Variants in THNSL2 observed in about 807,000 individuals in gnomAD.
THNSL2 encodes the protein threonine synthase-like 2.
THNSL2 carries 34 observed loss-of-function variants against 40.0 expected under a neutral mutation model. That is an observed-to-expected ratio of 0.85 (90% CI 0.65 to 1.13). THNSL2 has a LOEUF of 1.13. Ranked by LOEUF, THNSL2 falls within the 50% of genes most tolerant of loss-of-function variation. The pLI is 0.00. For synonymous variants in THNSL2, 241 were observed against 247.5 expected, an observed-to-expected ratio of 0.97 and a Z score of 0.25; for missense variants, 537 against 608.8, an observed-to-expected ratio of 0.88 and a Z score of 1.24.
intron 7 of THNSL2, among the ~76,000 whole-genome samples, chr2:88,184,602 TAAA>T (rs59914368): frequency 2.1e-5 from 3 of 142,234 alleles, no homozygotes; most frequent in African/African-American, 7.7e-5. Context: ...CCGTCTCTAC[TAAA>T]AAAAAAAAAA....
At chr2:88,181,556 C>T (rs1285945989) in intron 5 of THNSL2, among the ~76,000 whole-genome samples, 2 of 134,238 alleles carry the variant, frequency 1.5e-5, no homozygotes, top group Admixed American at 8.3e-5. Context: ...TCTCCCCTCT[C>T]TCTCCTCTCT....
At chr2:88,179,652 G>A (rs562291080) in intron 5 of THNSL2, among the ~76,000 whole-genome samples, 1 of 152,208 alleles carries the variant, frequency 6.6e-6, no homozygotes, top group African/African-American at 2.4e-5. Context: ...CTGTACAGCT[G>A]TGTAGCATTA....
At chr2:88,185,290 C>T (rs536542453) in intron 7 of THNSL2, 38 bp from the exon 8 acceptor site, 2 of 1,585,268 alleles carry the variant, frequency 1.3e-6, no homozygotes, top group Non-Finnish European at 1.7e-6. Context: ...CCTACATCCC[C>T]CCCCCACACC....
chr2:88,170,947 C>T (rs1195268478), intron 1 of THNSL2, among the ~76,000 whole-genome samples: 1 of 152,096 alleles, frequency 6.6e-6, no homozygotes, highest in African/African-American at 2.4e-5. Flanking sequence ...TCCCAGCCTT[C>T]GGGCTACTCC....
At chr2:88,181,121 T>C (rs4972184) in intron 5 of THNSL2, among the ~76,000 whole-genome samples, 2,383 of 4,048 alleles carry the variant, frequency 0.59, 580 homozygotes, top group Non-Finnish European at 0.6. Context: ...CCTCTCTCTC[T>C]CCTCTCTCTC....
chr2:88,182,889 T>A (rs1474267664), intron 6 of THNSL2, 42 bp downstream of exon 6: 1 of 1,611,850 alleles, frequency 6.2e-7, no homozygotes, highest in Non-Finnish European at 8.5e-7. Flanking sequence ...CAGGTGTTGG[T>A]TGGGTGGGGC....
At chr2:88,173,803 T>G (rs1676622153) in intron 2 of THNSL2, among the ~76,000 whole-genome samples, 1 of 152,214 alleles carries the variant, frequency 6.6e-6, no homozygotes, top group African/African-American at 2.4e-5. Flanking sequence ...CAGCTTGTCT[T>G]AAGCTCTACT....
chr2:88,179,877 G>A (rs1415548448), intron 5 of THNSL2, among the ~76,000 whole-genome samples: 2 of 152,218 alleles, frequency 1.3e-5, no homozygotes, highest in Non-Finnish European at 2.9e-5. Context: ...CTGCAGAGCT[G>A]GTGAGGCTAG....
intron 5 of THNSL2, among the ~76,000 whole-genome samples, chr2:88,179,592 A>T (rs762510854): frequency 2.0e-4 from 31 of 152,224 alleles, no homozygotes; most frequent in Admixed American, 1.1e-3. Context: ...GACTGCCTCG[A>T]TGAGCGAATC....
At chr2:88,176,953 G>A (rs1677001286) in intron 4 of THNSL2, 1 of 152,182 alleles carries the variant, frequency 6.6e-6, no homozygotes, top group Admixed American at 6.5e-5. Flanking sequence ...TTTTTTCCTA[G>A]AATCAAAGCA....
intron 4 of THNSL2, among the ~76,000 whole-genome samples, chr2:88,177,835 C>T (rs1332135600): frequency 2.6e-5 from 4 of 152,232 alleles, no homozygotes; most frequent in Non-Finnish European, 4.4e-5. Context: ...GGAGCCAACC[C>T]TGACCCCATG....
At chr2:88,173,000 T>C in intron 1 of THNSL2, 139 bp from the exon 2 acceptor site, 1 of 481,314 alleles carries the variant, frequency 2.1e-6, no homozygotes. Context: ...GATACAGGAC[T>C]GCCATCTCTA....
chr2:88,175,584 A>G (rs1676839506), intron 4 of THNSL2, 183 bp downstream of exon 4: 2 of 669,090 alleles, frequency 3.0e-6, no homozygotes, highest in South Asian at 4.0e-5. Context: ...TACACAGTAA[A>G]CTATTGGAGG....
chr2:88,171,182 C>T, intron 1 of THNSL2: 1 of 417,496 alleles, frequency 2.4e-6, no homozygotes, highest in Non-Finnish European at 4.9e-6. Flanking sequence ...TTGCTATTTC[C>T]GCCTCTGGCT....
rs1235118499 is a variant in THNSL2, at chr2:88,186,539, A to G, written c.*416A>G. The stretch of plus-strand genomic sequence containing the variant: ...CTTAGTTGATTTTGGCCCCCAAACC[A>G]AATCCAAAGGTTCTGGCCCACCTTG... On this transcript the variant is annotated 3_prime_UTR_variant, in exon 9 of 9. Coordinates refer to ENST00000674334, the MANE Select transcript of THNSL2 (RefSeq NM_018271.5). The G allele has an allele frequency of 5.0e-6, 1 of 198,092 alleles. No individual in the cohort carries two copies. The highest frequency in any genetic ancestry group is 1.1e-5 in the Non-Finnish European group (1 of 94,106). The allele number at this position is 198,092 out of a possible 1,614,324, so 12.3% of individuals were successfully genotyped here. A position where few individuals can be genotyped will look rare whatever the true frequency, so the allele number is the denominator to read the frequency against.
At chr2:88,182,639 C>G in intron 5 of THNSL2, 60 bp from the exon 6 acceptor site, 1 of 1,459,208 alleles carries the variant, frequency 6.9e-7, no homozygotes, top group East Asian at 2.3e-5. Context: ...GCCCAATTTA[C>G]TTTTTTCTTT....
rs778269285 is a variant in THNSL2 at position 88,178,796 on chromosome 2, C to T, written c.585C>T (p.Ser195=). ...NVHVFGVEGN[S]DELDEPIKTV... ...CCCCCCTGGCAGTGGAGGGAAACAG[C>T]GATGAGCTCGATGAGCCGATCAAGA... The change falls in exon 5 of 9, where the codon AGC becomes AGT. Residue 195 remains serine, a synonymous_variant. Coordinates refer to ENST00000674334, the MANE Select transcript of THNSL2 (RefSeq NM_018271.5). The T allele has an allele frequency of 6.2e-6, 10 of 1,614,102 alleles. No homozygotes were observed. The highest frequency in any genetic ancestry group is 2.2e-5 in the East Asian group (1 of 44,864).
chr2:88,171,157 C>T (rs1195089544), intron 1 of THNSL2: 1 of 394,310 alleles, frequency 2.5e-6, no homozygotes, highest in Non-Finnish European at 5.2e-6. Context: ...TCCTCAACTT[C>T]ACCACCTCCT....
At chr2:88,177,683 TGTG>T (rs1310037720) in intron 4 of THNSL2, among the ~76,000 whole-genome samples, 5 of 152,202 alleles carry the variant, frequency 3.3e-5, no homozygotes, top group Non-Finnish European at 7.3e-5. Flanking sequence ...TCATTCCTCT[TGTG>T]GTCATATGGT....
Sources: allele counts gnomAD v4.1 joint callset (sites outside exome capture counted in the v4.1 genomes callset), GRCh38; gene constraint gnomAD v4.1.1; transcripts MANE v1.5; gene names NCBI Gene and HGNC (gene_info 2026-07-23, HGNC 2026-07-21).